MAP7D2: variants seen among roughly 807,000 people sequenced by gnomAD.
The protein encoded by MAP7D2 is MAP7 domain containing 2, also known as MAP7 domain-containing protein 2.
Under a neutral mutation model 63.5 loss-of-function variants are expected in MAP7D2, and 33 were observed. The ratio of observed to expected loss-of-function variants is 0.52; its 90% confidence interval spans 0.39 to 0.70. The LOEUF (loss-of-function observed/expected upper bound fraction) is 0.70, where lower values mean the gene tolerates loss of function less well. Ranked by LOEUF, MAP7D2 falls within the 30% of genes least tolerant of loss-of-function variation. The probability of loss-of-function intolerance (pLI) is 0.00; values close to 1 mark genes in which losing one functional copy is unlikely to be tolerated. For missense variants in MAP7D2, 626 were observed against 604.0 expected, an observed-to-expected ratio of 1.04 and a Z score of -0.38; for synonymous variants, 224 against 223.7, an observed-to-expected ratio of 1.00 and a Z score of -0.01.
intron 1 of MAP7D2, among the ~76,000 whole-genome samples, chrX:20,093,357 G>C (rs762085864): frequency 8.9e-6 from 1 of 111,734 alleles, no homozygotes; most frequent in East Asian, 2.8e-4. Flanking sequence ...AATTTAGAGA[G>C]GAAGAAAGTC....
At chrX:20,060,455 AAAGAAAG>A (rs1391799348) in intron 3 of MAP7D2, among the ~76,000 whole-genome samples, 1 of 107,882 alleles carries the variant, frequency 9.3e-6, no homozygotes, top group Admixed American at 9.9e-5. Flanking sequence ...AGAAAGAAAG[AAAGAAAG>A]AAAGAAAGAA....
At chrX:20,081,643 C>A (rs2065780639) in intron 1 of MAP7D2, among the ~76,000 whole-genome samples, 1 of 109,069 alleles carries the variant, frequency 9.2e-6, no homozygotes, top group South Asian at 4.0e-4. Context: ...TCTCACTGGG[C>A]ATCAGATCTG....
intron 1 of MAP7D2, among the ~76,000 whole-genome samples, chrX:20,113,541 G>A (rs2066804810): frequency 8.9e-6 from 1 of 112,457 alleles, no homozygotes; most frequent in African/African-American, 3.2e-5. Flanking sequence ...ACCACGCCCA[G>A]CGATCTGAAC....
chrX:20,085,523 C>T (rs952999345), intron 1 of MAP7D2, among the ~76,000 whole-genome samples: 2 of 111,710 alleles, frequency 1.8e-5, no homozygotes, highest in Admixed American at 9.5e-5. Flanking sequence ...CCCAACATTC[C>T]GCTCATCAAT....
At chrX:20,065,587 C>A (rs1388463863) in intron 1 of MAP7D2, among the ~76,000 whole-genome samples, 2 of 111,326 alleles carry the variant, frequency 1.8e-5, no homozygotes, top group East Asian at 2.8e-4. Flanking sequence ...AAGGAGCCAA[C>A]GTATGAGCTC....
chrX:20,016,069 G>T, intron 11 of MAP7D2, 25 bp downstream of exon 11: 2 of 1,161,340 alleles, frequency 1.7e-6, no homozygotes, highest in Non-Finnish European at 2.3e-6. Flanking sequence ...AACAAGTAAA[G>T]TCCATCTGAG....
chrX:20,084,198 A>C (rs1374228540), intron 1 of MAP7D2, among the ~76,000 whole-genome samples: 37 of 55,770 alleles, frequency 6.6e-4, no homozygotes, highest in Non-Finnish European at 9.9e-4. Context: ...AAGACTCACA[A>C]AAAAAAAAAA....
chrX:20,062,693 T>C (rs1231091548), intron 3 of MAP7D2, among the ~76,000 whole-genome samples: 1 of 111,872 alleles, frequency 8.9e-6, no homozygotes, highest in Non-Finnish European at 1.9e-5. Context: ...CTCCTAAAAA[T>C]ATAATCGTGA....
At chrX:20,080,800 G>A (rs1390691283) in intron 1 of MAP7D2, among the ~76,000 whole-genome samples, 3 of 111,495 alleles carry the variant, frequency 2.7e-5, no homozygotes, top group Non-Finnish European at 3.8e-5. Flanking sequence ...ACAGGAGGAG[G>A]GAAAAGAGGG....
At chrX:20,063,669 C>T in intron 2 of MAP7D2, 92 bp from the exon 3 acceptor site, 1 of 964,946 alleles carries the variant, frequency 1.0e-6, no homozygotes, top group Non-Finnish European at 1.4e-6. Flanking sequence ...GAGCAGAGCC[C>T]TAAAAAGAGC....
chrX:20,083,955 C>T (rs1380687086), intron 1 of MAP7D2, among the ~76,000 whole-genome samples: 1 of 111,414 alleles, frequency 9.0e-6, no homozygotes, highest in Admixed American at 9.6e-5. Context: ...AATCCCAACA[C>T]TTTGGGAGGC....
rs752146470 is a variant in MAP7D2 at position 20,114,088 on chromosome X, C to T, written c.130+2662G>A. Among the ~76,000 whole-genome samples the T allele has an allele frequency of 1.9e-3, 209 of 112,258 alleles. 2 individuals carry two copies. The highest frequency in any genetic ancestry group is 5.8e-3 in the African/African-American group (179 of 30,907). ...TCGCTCTGTCACCCAGGCTGGAGTA[C>T]AGTGGCGCGAGGTCAGCTCACTGCA... On this transcript the variant is annotated intron_variant, in intron 1 of 16. Transcript: ENST00000379643.
At chrX:20,042,744 G>T in intron 7 of MAP7D2, 115 bp from the exon 8 acceptor site, 1 of 885,692 alleles carries the variant, frequency 1.1e-6, no homozygotes, top group Non-Finnish European at 1.6e-6. Flanking sequence ...TCGATATGAA[G>T]CTATAACGCT....
At chrX:20,049,187 G>A (rs1209188266) in intron 6 of MAP7D2, among the ~76,000 whole-genome samples, 2 of 110,187 alleles carry the variant, frequency 1.8e-5, no homozygotes, top group Admixed American at 1.9e-4. Flanking sequence ...ATAAATAGAA[G>A]CACACAATAT....
At chrX:20,069,664 C>CT (rs2065448400) in intron 1 of MAP7D2, among the ~76,000 whole-genome samples, 1 of 110,957 alleles carries the variant, frequency 9.0e-6, no homozygotes, top group East Asian at 2.8e-4. Flanking sequence ...GAAATGTACT[C>CT]TGTCTTGATT....
rs1419750713 is a variant in MAP7D2, at chrX:20,025,847, G to A, written c.1113C>T (p.Pro371=). The A allele has an allele frequency of 8.3e-7, 1 of 1,211,739 alleles. No homozygotes were observed. The highest frequency in any genetic ancestry group is 1.1e-6 in the Non-Finnish European group (1 of 895,534). ...TCTTCTCTTTCTCCGCTTTCCTCTT[G>A]GGCATGTCTTGGCCAGAAAGGGCAG... The part of the protein sequence containing the change: ...RLPALSGQDM[P]KRKAEKEKSN... Residue 371 remains proline, a synonymous_variant, in exon 9 of 17, where the codon CCC becomes CCT. Coordinates refer to ENST00000379643, the MANE Select transcript of MAP7D2 (RefSeq NM_001168465.2).
chrX:20,024,643 C>T (rs1035969189), intron 10 of MAP7D2, among the ~76,000 whole-genome samples: 2 of 112,088 alleles, frequency 1.8e-5, no homozygotes, highest in African/African-American at 6.5e-5. Context: ...TCAGACTTCC[C>T]TGATAGCTCT....
intron 1 of MAP7D2, among the ~76,000 whole-genome samples, chrX:20,114,410 T>C (rs144759570): frequency 3.9e-4 from 44 of 112,526 alleles, no homozygotes; most frequent in African/African-American, 1.4e-3. Flanking sequence ...AAAGGAAATA[T>C]GGTTGAGATC....
rs1283759009 is a variant in MAP7D2 at position 20,094,519 on chromosome X, T to C, written c.130+22231A>G. Among the ~76,000 whole-genome samples the C allele has an allele frequency of 8.0e-3, 52 of 6,513 alleles. 4 individuals carry two copies. Among genetic ancestry groups the C allele is most frequent in the African/African-American group, 0.045 (44 of 978 alleles). The allele number at this position is 6,513 out of a possible 115,157, so 5.7% of individuals were successfully genotyped here. On this transcript the variant is annotated intron_variant, in intron 1 of 16. Transcript: ENST00000379643. ...ATATATATATATATATATATATGTATATATATATATATATATATATATGTA... is the reference window on the plus strand; with the variant it reads ...ATATATATATATATATATATATGTACATATATATATATATATATATATGTA...
Sources: allele counts gnomAD v4.1 joint callset (sites outside exome capture counted in the v4.1 genomes callset), GRCh38; gene constraint gnomAD v4.1.1; transcripts MANE v1.5; gene names NCBI Gene and HGNC (gene_info 2026-07-23, HGNC 2026-07-21).